Variants in RGS6 observed in about 807,000 individuals in gnomAD.
The protein encoded by RGS6 is regulator of G protein signaling 6, also known as regulator of G-protein signaling 6.
RGS6 carries 30 observed loss-of-function variants against 78.5 expected under a neutral mutation model. The ratio of observed to expected loss-of-function variants is 0.38; its 90% CI spans 0.29 to 0.52. The LOEUF is 0.52. Ranked by LOEUF, RGS6 falls within the 20% of genes least tolerant of loss-of-function variation. RGS6 has a pLI of 0.85. For missense variants in RGS6, 495 were observed against 609.7 expected (o/e 0.81, Z 1.98); for synonymous variants, 206 against 206.0 (o/e 1.00, Z 0.00).
intron 10 of RGS6, among the ~76,000 whole-genome samples, chr14:72,475,692 G>A (rs1006483258): frequency 3.3e-5 from 5 of 151,940 alleles, no homozygotes; most frequent in Non-Finnish European, 7.4e-5. Flanking sequence ...TCGCGCCATT[G>A]TACTCCAGCC....
chr14:72,038,663 T>C (rs1224737960), intron 2 of RGS6, among the ~76,000 whole-genome samples: 1 of 152,218 alleles, frequency 6.6e-6, no homozygotes, highest in African/African-American at 2.4e-5. Flanking sequence ...GTTTTAAATA[T>C]CATTTTTGGA....
chr14:72,109,406 C>T (rs986559907), intron 2 of RGS6, among the ~76,000 whole-genome samples: 1 of 152,190 alleles, frequency 6.6e-6, no homozygotes, highest in Non-Finnish European at 1.5e-5. Context: ...ACTGCTACCA[C>T]TGCCATCTCC....
At chr14:72,622,185 G>A in the RGS6 span, among the ~76,000 whole-genome samples, 1 of 152,132 alleles carries the variant, frequency 6.6e-6, no homozygotes, top group African/African-American at 2.4e-5. Flanking sequence ...GAGTAAGTCC[G>A]TAGCTTTCAT....
intron 8 of RGS6, among the ~76,000 whole-genome samples, chr14:72,472,119 A>T (rs2096093707): frequency 6.6e-6 from 1 of 151,896 alleles, no homozygotes; most frequent in Admixed American, 6.6e-5. Flanking sequence ...CACGGCAATT[A>T]ATCTGAGTTG....
At chr14:72,539,350 CCATGTTATTGTCTTCTGAGACCCAAGA>C (rs1171642232) in intron 16 of RGS6, among the ~76,000 whole-genome samples, 14 of 152,158 alleles carry the variant, frequency 9.2e-5, no homozygotes, top group Non-Finnish European at 1.6e-4. Flanking sequence ...CACACAATCC[CCATGTTATTGTCTTCTGAGACCCAAGA>C]CCCTTTGTCC....
intron 2 of RGS6, among the ~76,000 whole-genome samples, chr14:72,159,605 C>G (rs2096824790): frequency 6.6e-6 from 1 of 152,200 alleles, no homozygotes; most frequent in African/African-American, 2.4e-5. Context: ...TTAGTTGCCT[C>G]AGATTTCCCA....
chr14:71,969,715 A>T (rs1362951997), intron 2 of RGS6, among the ~76,000 whole-genome samples: 1 of 152,250 alleles, frequency 6.6e-6, no homozygotes, highest in African/African-American at 2.4e-5. Flanking sequence ...TTAAAAAATG[A>T]ATTATATGCA....
At chr14:71,933,709 A>G (rs1302292833) in intron 1 of RGS6, among the ~76,000 whole-genome samples, 1 of 152,226 alleles carries the variant, frequency 6.6e-6, no homozygotes, top group Non-Finnish European at 1.5e-5. Context: ...TCTATGTTAC[A>G]AACTGAAGAT....
At chr14:72,114,113 T>C (rs1567231471) in intron 2 of RGS6, among the ~76,000 whole-genome samples, 2 of 152,208 alleles carry the variant, frequency 1.3e-5, no homozygotes, top group Admixed American at 6.5e-5. Context: ...GTGGTCAGTG[T>C]TCTCATCTTT....
intron 13 of RGS6, among the ~76,000 whole-genome samples, chr14:72,502,718 C>G (rs545081010): frequency 6.6e-6 from 1 of 152,078 alleles, no homozygotes; most frequent in African/African-American, 2.4e-5. Context: ...GAGCTGAGAT[C>G]GTGCCATTGC....
chr14:71,905,460 A>G, the RGS6 span, among the ~76,000 whole-genome samples: 8 of 152,232 alleles, frequency 5.3e-5, no homozygotes, highest in African/African-American at 1.9e-4. Context: ...ACATTGCAAG[A>G]TATTTAAACA....
At chr14:72,101,664 C>T (rs76080350) in intron 2 of RGS6, among the ~76,000 whole-genome samples, 6,053 of 152,194 alleles carry the variant, frequency 0.04, 137 homozygotes, top group African/African-American at 0.062. Context: ...GCTAAGTGAA[C>T]GCTTGGATAC....
At chr14:72,184,004 G>T (rs1423128843) in intron 2 of RGS6, among the ~76,000 whole-genome samples, 2 of 152,116 alleles carry the variant, frequency 1.3e-5, no homozygotes, top group South Asian at 4.2e-4. Context: ...ACTTTTTCTT[G>T]TGGGTTTGAA....
intron 12 of RGS6, 27 bp downstream of exon 12, chr14:72,478,356 ACTTT>A (rs2096288432): frequency 6.9e-7 from 1 of 1,455,540 alleles, no homozygotes; most frequent in Non-Finnish European, 9.6e-7. Context: ...TAATATTACT[ACTTT>A]CTTCTAATTT....
chr14:72,621,788 A>G, the RGS6 span, among the ~76,000 whole-genome samples: 1 of 152,182 alleles, frequency 6.6e-6, no homozygotes, highest in Non-Finnish European at 1.5e-5. Flanking sequence ...AGCATCATTG[A>G]TTAGATGGGG....
intron 2 of RGS6, among the ~76,000 whole-genome samples, chr14:72,171,564 G>A (rs1484059094): frequency 6.6e-6 from 1 of 152,114 alleles, no homozygotes; most frequent in Non-Finnish European, 1.5e-5. Flanking sequence ...ATATCTTGAG[G>A]GTGATCTGTG....
chr14:72,442,221 G>A (rs376173362), intron 3 of RGS6, among the ~76,000 whole-genome samples: 1 of 152,004 alleles, frequency 6.6e-6, no homozygotes, highest in Non-Finnish European at 1.5e-5. Context: ...GCCCTTCTAG[G>A]ACTCTTTTCC....
At chr14:72,372,947 G>A (rs2083814172) in intron 3 of RGS6, among the ~76,000 whole-genome samples, 1 of 152,146 alleles carries the variant, frequency 6.6e-6, no homozygotes, top group Non-Finnish European at 1.5e-5. Flanking sequence ...ACACCAAAAG[G>A]CAAATAGGGC....
rs117466646 is a variant in RGS6 at position 72,429,829 on chromosome 14, G to A, written c.185-24699G>A. Among the ~76,000 whole-genome samples the A allele has an allele frequency of 3.3e-3, 500 of 152,286 alleles. 8 individuals are homozygous for A. The highest frequency in any genetic ancestry group is 0.021 in the East Asian group (108 of 5,176). On this transcript the variant is annotated intron_variant, in intron 3 of 17. Transcript: ENST00000553525. ...CCCGTTGTGACAAGGGAGAGACCAGGAGGTAACTGAATCATGGGAGCGGTT... is the reference window on the plus strand; with the variant it reads ...CCCGTTGTGACAAGGGAGAGACCAGAAGGTAACTGAATCATGGGAGCGGTT...
Sources: allele counts gnomAD v4.1 joint callset (sites outside exome capture counted in the v4.1 genomes callset), GRCh38; gene constraint gnomAD v4.1.1; transcripts MANE v1.5; gene names NCBI Gene and HGNC (gene_info 2026-07-23, HGNC 2026-07-21).